PPP1R9A: variants seen among roughly 807,000 people sequenced by gnomAD.
PPP1R9A encodes protein phosphatase 1 regulatory subunit 9A, also known as neurabin-1.
A neutral mutation model predicts 141.9 loss-of-function variants in PPP1R9A; 59 were observed. The observed-to-expected ratio is 0.42, with a 90% CI of 0.34 to 0.52. The LOEUF is 0.52. PPP1R9A is among the 20% of genes least tolerant of loss of function. The pLI is 0.10. For missense variants in PPP1R9A, 1,444 were observed against 1,611.9 expected, an observed-to-expected ratio of 0.90 and a Z score of 1.78; for synonymous variants, 500 against 569.7, an observed-to-expected ratio of 0.88 and a Z score of 1.74.
At chr7:95,197,645 TTTGTTG>T (rs58681960) in intron 5 of PPP1R9A, among the ~76,000 whole-genome samples, 4 of 151,808 alleles carry the variant, frequency 2.6e-5, no homozygotes, top group African/African-American at 9.7e-5. Context: ...CGTCAAAATG[TTTGTTG>T]TTGTTGTTGT....
At chr7:95,001,308 CA>C (rs1802887997) in intron 2 of PPP1R9A, among the ~76,000 whole-genome samples, 1 of 152,122 alleles carries the variant, frequency 6.6e-6, no homozygotes, top group Admixed American at 6.5e-5. Flanking sequence ...AAACAAACAA[CA>C]ATAGCAAAAA....
At chr7:94,971,365 A>G (rs1798840958) in intron 2 of PPP1R9A, among the ~76,000 whole-genome samples, 1 of 152,254 alleles carries the variant, frequency 6.6e-6, no homozygotes. Context: ...GAAATTTTGG[A>G]TAAATGAATT....
At chr7:95,275,753 T>C (rs1803050294) in intron 16 of PPP1R9A, among the ~76,000 whole-genome samples, 1 of 152,342 alleles carries the variant, frequency 6.6e-6, no homozygotes, top group East Asian at 1.9e-4. Flanking sequence ...TTTTTCTCTT[T>C]TCTGACATAT....
At chr7:95,124,142 T>A in intron 4 of PPP1R9A, among the ~76,000 whole-genome samples, 1 of 152,198 alleles carries the variant, frequency 6.6e-6, no homozygotes, top group Admixed American at 6.5e-5. Context: ...TAAATTATTA[T>A]TTCCACCACT....
At chr7:95,077,017 C>A (rs567908899) in intron 2 of PPP1R9A, among the ~76,000 whole-genome samples, 223 of 151,982 alleles carry the variant, frequency 1.5e-3, no homozygotes, top group Non-Finnish European at 2.5e-3. Context: ...AGAATGATTC[C>A]TTTCAAATAA....
chr7:94,968,506 GA>G (rs1355710146), intron 2 of PPP1R9A, among the ~76,000 whole-genome samples: 2 of 152,116 alleles, frequency 1.3e-5, no homozygotes, highest in African/African-American at 4.8e-5. Flanking sequence ...CAGAGACTAG[GA>G]TTGCAACCCC....
intron 5 of PPP1R9A, among the ~76,000 whole-genome samples, chr7:95,167,872 A>G (rs545138058): frequency 6.6e-6 from 1 of 152,264 alleles, no homozygotes; most frequent in Non-Finnish European, 1.5e-5. Flanking sequence ...AAGGAAAACT[A>G]CAAACACTGA....
chr7:95,120,843 G>C lies in PPP1R9A; in HGVS notation c.1649+11G>C. On this transcript the variant is annotated intron_variant, in intron 4 of 19. Coordinates refer to ENST00000433360, the MANE Select transcript of PPP1R9A (RefSeq NM_001166160.2). ...TCAACGGGATGGCAGGTAAATTAAGGACTGTTGTTAATAACTTAAAATCTT... is the reference window on the plus strand; with the variant it reads ...TCAACGGGATGGCAGGTAAATTAAGCACTGTTGTTAATAACTTAAAATCTT... The C allele has an allele frequency of 6.2e-7, 1 of 1,611,156 alleles. No homozygotes were observed. The highest frequency in any genetic ancestry group is 8.5e-7 in the Non-Finnish European group (1 of 1,178,902).
chr7:95,141,119 A>G (rs990989925), intron 4 of PPP1R9A, among the ~76,000 whole-genome samples: 4 of 152,320 alleles, frequency 2.6e-5, no homozygotes, highest in East Asian at 3.9e-4. Context: ...AGTCTTATGC[A>G]TGGTGAAATA....
chr7:95,283,949 T>A (rs1804776022), intron 16 of PPP1R9A, 69 bp from the exon 17 acceptor site: 1 of 1,300,362 alleles, frequency 7.7e-7, no homozygotes, highest in Non-Finnish European at 1.0e-6. Flanking sequence ...ATATTCAGAG[T>A]CCTTGGGTTC....
intron 4 of PPP1R9A, among the ~76,000 whole-genome samples, chr7:95,139,446 C>A (rs1826246794): frequency 6.6e-6 from 1 of 152,134 alleles, no homozygotes; most frequent in South Asian, 2.1e-4. Context: ...GGACACAAAG[C>A]CAAACCATAT....
At chr7:95,217,622 C>G (rs946504891) in intron 7 of PPP1R9A, among the ~76,000 whole-genome samples, 2 of 152,116 alleles carry the variant, frequency 1.3e-5, no homozygotes, top group African/African-American at 4.8e-5. Flanking sequence ...GGTTGGTAGG[C>G]TCTTAATTAT....
intron 2 of PPP1R9A, among the ~76,000 whole-genome samples, chr7:95,046,543 C>A (rs986798284): frequency 6.6e-6 from 1 of 152,168 alleles, no homozygotes; most frequent in East Asian, 1.9e-4. Flanking sequence ...TCTTATTTTT[C>A]TCTTCTGTTG....
intron 7 of PPP1R9A, among the ~76,000 whole-genome samples, chr7:95,216,452 C>A (rs1793441240): frequency 6.6e-6 from 1 of 152,086 alleles, no homozygotes; most frequent in Non-Finnish European, 1.5e-5. Context: ...AATGCAGGCT[C>A]TTTTTTGGTT....
At chr7:95,248,930 C>G (rs1019189397) in intron 9 of PPP1R9A, among the ~76,000 whole-genome samples, 2 of 152,000 alleles carry the variant, frequency 1.3e-5, no homozygotes, top group African/African-American at 4.8e-5. Context: ...TTTACTTTTG[C>G]TAAGTGCTAT....
At chr7:94,977,657 G>A (rs115193579) in intron 2 of PPP1R9A, among the ~76,000 whole-genome samples, 1,699 of 152,208 alleles carry the variant, frequency 0.011, 33 homozygotes, top group African/African-American at 0.039. Context: ...GTTCCTGAGA[G>A]GATGGTTGGG....
chr7:95,032,657 A>G (rs966056342), intron 2 of PPP1R9A, among the ~76,000 whole-genome samples: 4 of 152,122 alleles, frequency 2.6e-5, no homozygotes, highest in South Asian at 2.1e-4. Context: ...TAGAAGTTCC[A>G]TTTTTCAGGA....
intron 4 of PPP1R9A, among the ~76,000 whole-genome samples, chr7:95,160,372 G>A (rs1830298042): frequency 1.3e-5 from 2 of 152,056 alleles, no homozygotes; most frequent in African/African-American, 4.8e-5. Context: ...TTTATGTACA[G>A]TTATTAAGGA....
At chr7:94,940,175 A>G (rs1299512181) in intron 2 of PPP1R9A, among the ~76,000 whole-genome samples, 14 of 152,140 alleles carry the variant, frequency 9.2e-5, no homozygotes, top group Admixed American at 9.2e-4. Flanking sequence ...ACTTTCGGAC[A>G]GTAACTAATC....
Sources: allele counts gnomAD v4.1 joint callset (sites outside exome capture counted in the v4.1 genomes callset), GRCh38; gene constraint gnomAD v4.1.1; transcripts MANE v1.5; gene names NCBI Gene and HGNC (gene_info 2026-07-23, HGNC 2026-07-21).